GNG2: variants seen among roughly 807,000 people sequenced by gnomAD.
GNG2 encodes the protein G protein subunit gamma 2.
A neutral mutation model predicts 5.5 loss-of-function variants in GNG2; 5 were observed. That is an observed-to-expected ratio of 0.91 (90% CI 0.48 to 1.92). GNG2 has a LOEUF of 1.92. Ranked by LOEUF, GNG2 falls within the 30% of genes most tolerant of loss-of-function variation. The probability of loss-of-function intolerance (pLI) is 0.01; values close to 1 mark genes in which losing one functional copy is unlikely to be tolerated. For missense variants in GNG2, 55 were observed against 88.4 expected, an observed-to-expected ratio of 0.62 and a Z score of 1.52; for synonymous variants, 28 against 32.0, an observed-to-expected ratio of 0.88 and a Z score of 0.42.
At position 51,835,523 on chromosome 14, in the gene GNG2, A is replaced by G. The variant is rs1324482879; in HGVS notation, c.64+7716A>G. Reference sequence around the variant, plus strand: ...TCAGCAAAAACCCACACCACCCCCTACCTTTGATTTGAGATATGCTGACCC... The same window carrying G: ...TCAGCAAAAACCCACACCACCCCCTGCCTTTGATTTGAGATATGCTGACCC... On this transcript the variant is annotated intron_variant, in intron 2 of 3. Transcript: ENST00000553432. 2.0e-5 allele frequency among the ~76,000 whole-genome samples: 3 copies of G among 152,000 alleles called. No individual in the cohort carries two copies. In the East Asian group the frequency reaches 5.8e-4, roughly 29 times the overall value.
chr14:51,906,325 G>A (rs1419052899), intron 2 of GNG2, among the ~76,000 whole-genome samples: 1 of 152,128 alleles, frequency 6.6e-6, no homozygotes, highest in Non-Finnish European at 1.5e-5. Flanking sequence ...CATACTTACT[G>A]ATATATAATG....
Position 51,939,350 on chromosome 14 carries a change from T to C in GNG2, c.-29-11300T>C, listed in dbSNP as rs118167462. On this transcript the variant is annotated intron_variant, in intron 2 of 3. Transcript: ENST00000556766. ...TTGAAGTCATTTTTCGAGGACTCTG[T>C]TTTTTGTCAGGGTTGTTAGAAACAG... Among the ~76,000 whole-genome samples, 24 of 152,328 alleles carry C rather than the reference T, an allele frequency of 1.6e-4. No homozygotes were observed. The East Asian group carries it at 4.4e-3, about 28-fold the overall frequency.
chr14:51,933,318 A>G (rs7143686), intron 2 of GNG2, among the ~76,000 whole-genome samples: 12,597 of 152,222 alleles, frequency 0.083, 834 homozygotes, highest in East Asian at 0.32. Context: ...ACTTGGACAA[A>G]TGTCGTTGCA....
intron 2 of GNG2, among the ~76,000 whole-genome samples, chr14:51,910,428 C>T (rs1886224436): frequency 6.6e-6 from 1 of 152,116 alleles, no homozygotes; most frequent in South Asian, 2.1e-4. Flanking sequence ...GATACATTTT[C>T]CTGGAAGCAT....
chr14:51,833,168 G>A (rs1157285353), intron 2 of GNG2, among the ~76,000 whole-genome samples: 2 of 152,186 alleles, frequency 1.3e-5, no homozygotes, highest in Non-Finnish European at 2.9e-5. Flanking sequence ...TAATGAATAT[G>A]TAAACACATT....
chr14:51,882,953 T>G (rs1160264557), intron 2 of GNG2, among the ~76,000 whole-genome samples: 3 of 140,654 alleles, frequency 2.1e-5, no homozygotes, highest in Non-Finnish European at 1.5e-5. Flanking sequence ...GAGCTTGCAG[T>G]GAGCAGAGAT....
At chr14:51,903,683 A>G (rs1328050345) in intron 2 of GNG2, among the ~76,000 whole-genome samples, 1 of 152,200 alleles carries the variant, frequency 6.6e-6, no homozygotes, top group Non-Finnish European at 1.5e-5. Context: ...CAAGAAGAAT[A>G]TCATTATTTG....
intron 2 of GNG2, chr14:51,913,321 A>C (rs928149806): frequency 1.3e-5 from 2 of 152,202 alleles, no homozygotes; most frequent in African/African-American, 4.8e-5. Context: ...CCAGCACAGG[A>C]AACATGGCAA....
chr14:51,957,708 G>A (rs758521536), intron 3 of GNG2, among the ~76,000 whole-genome samples: 14 of 152,130 alleles, frequency 9.2e-5, no homozygotes, highest in East Asian at 1.9e-4. Context: ...CCCTTTTAGC[G>A]AGAGGACCAA....
At chr14:51,875,946 TC>T (rs1226117815) in intron 1 of GNG2, among the ~76,000 whole-genome samples, 2 of 124,386 alleles carry the variant, frequency 1.6e-5, no homozygotes, top group Non-Finnish European at 3.4e-5. Flanking sequence ...AACATTTTTT[TC>T]TTTTTTCCGA....
At chr14:51,830,902 C>T (rs1304208673) in intron 2 of GNG2, among the ~76,000 whole-genome samples, 1 of 152,214 alleles carries the variant, frequency 6.6e-6, no homozygotes, top group African/African-American at 2.4e-5. Context: ...AGTTCAAAAG[C>T]TAAATAGTTA....
At chr14:51,926,594 C>T (rs182276583) in intron 2 of GNG2, among the ~76,000 whole-genome samples, 3 of 152,266 alleles carry the variant, frequency 2.0e-5, no homozygotes, top group Non-Finnish European at 4.4e-5. Context: ...GACTCCCTAC[C>T]GGCCTGCGCA....
At chr14:51,833,932 A>G (rs1410253065) in intron 2 of GNG2, among the ~76,000 whole-genome samples, 2 of 152,214 alleles carry the variant, frequency 1.3e-5, no homozygotes, top group Non-Finnish European at 2.9e-5. Context: ...CAGTGTTTCC[A>G]TAGCTTACAG....
At chr14:51,865,041 C>A (rs1015913435) in intron 1 of GNG2, among the ~76,000 whole-genome samples, 3 of 152,072 alleles carry the variant, frequency 2.0e-5, no homozygotes, top group Non-Finnish European at 4.4e-5. Context: ...TAGCAGGGAC[C>A]CTATTGAATA....
At position 51,922,391 on chromosome 14, in the gene GNG2, G is replaced by T. The variant is rs141304914; in HGVS notation, c.-29-28259G>T. On this transcript the variant is annotated intron_variant, in intron 2 of 3. Transcript: ENST00000556766. ...TCCTGAAACTTTTCTGGAGACCAGA[G>T]CACTAGAGTCTCTCAGTGTTTTTTG... 4.9e-3 allele frequency among the ~76,000 whole-genome samples: 743 copies of T among 152,298 alleles called. 22 individuals are homozygous for T. The highest frequency in any genetic ancestry group is 1.2e-3 in the Non-Finnish European group (84 of 68,026).
chr14:51,966,464 C>A, intron 3 of GNG2, 95 bp from the exon 4 acceptor site: 1 of 1,077,176 alleles, frequency 9.3e-7, no homozygotes, highest in Non-Finnish European at 1.4e-6. Context: ...CTTCATGGAG[C>A]AAGGATTTGA....
intron 2 of GNG2, among the ~76,000 whole-genome samples, chr14:51,838,119 A>G (rs1236427703): frequency 6.6e-6 from 1 of 151,932 alleles, no homozygotes; most frequent in Non-Finnish European, 1.5e-5. Flanking sequence ...TGCATATTAT[A>G]TGGCAGAACT....
At chr14:51,882,868 G>A (rs1884181366) in intron 2 of GNG2, among the ~76,000 whole-genome samples, 1 of 151,906 alleles carries the variant, frequency 6.6e-6, no homozygotes, top group Admixed American at 6.6e-5. Flanking sequence ...AAATTAGCTG[G>A]ACATGGTGGC....
chr14:51,917,174 C>CA (rs1288062370), intron 2 of GNG2, among the ~76,000 whole-genome samples: 4 of 152,200 alleles, frequency 2.6e-5, no homozygotes, highest in Non-Finnish European at 5.9e-5. Context: ...GCTACTCTTT[C>CA]AAAATGATAT....
Sources: allele counts gnomAD v4.1 joint callset (sites outside exome capture counted in the v4.1 genomes callset), GRCh38; gene constraint gnomAD v4.1.1; transcripts MANE v1.5; gene names NCBI Gene and HGNC (gene_info 2026-07-23, HGNC 2026-07-21).